Variants in DYRK2 observed in about 807,000 individuals in gnomAD.
DYRK2 encodes the protein dual specificity tyrosine phosphorylation regulated kinase 2, also known as dual specificity tyrosine-phosphorylation-regulated kinase 2.
In DYRK2, 12 loss-of-function variants were observed where a neutral mutation model predicts 41.6. The ratio of observed to expected loss-of-function variants is 0.29; its 90% CI spans 0.18 to 0.47. DYRK2 has a LOEUF of 0.47. DYRK2 is among the 20% of genes least tolerant of loss of function. The pLI is 1.00. For synonymous variants in DYRK2, 322 were observed against 315.7 expected, an observed-to-expected ratio of 1.02 and a Z score of -0.21; for missense variants, 678 against 798.4, an observed-to-expected ratio of 0.85 and a Z score of 1.82.
rs781089384 is a variant in DYRK2 at position 67,658,689 on chromosome 12, A to G, written c.1782A>G (p.Thr594=). The G allele has an allele frequency of 2.5e-6, 4 of 1,609,050 alleles. No homozygotes were observed. Among genetic ancestry groups the G allele is most frequent in the African/African-American group, 2.7e-5 (2 of 74,748 alleles). ...CCAATGGGAATATTCAGCAGAGGAC[A>G]GTGTTGCCAAAACTTGTTAGCTGAG... ...TDANGNIQQR[T]VLPKLVS is the part of the protein sequence containing the mutation. Residue 594 remains threonine, a synonymous_variant, in exon 3 of 3, where the codon ACA becomes ACG. Transcript: ENST00000344096. This position sits in a 1 kb window ranked among gnomAD's most constrained non-coding sequence, Gnocchi z 4.3.
chr12:67,649,297 C>A (rs1278410881), intron 1 of DYRK2, 115 bp downstream of exon 1: 2 of 855,090 alleles, frequency 2.3e-6, no homozygotes, highest in Non-Finnish European at 3.0e-6. Flanking sequence ...CGGCGCGGCG[C>A]GGGGGAGCCC....
Position 67,658,528 on chromosome 12 carries a change from A to G in DYRK2, c.1621A>G (p.Lys541Glu). ...CCCCTGGCTGAGGAGGCGGTTGCCAAAGCCTCCCACCGGGGAGAAAACGTC... is the reference window on the plus strand; with the variant it reads ...CCCCTGGCTGAGGAGGCGGTTGCCAGAGCCTCCCACCGGGGAGAAAACGTC... ...RHPWLRRRLP[K>E]PPTGEKTSVK... The change falls in exon 3 of 3, where the codon AAG (lysine) becomes GAG (glutamate). Residue 541 changes from lysine to glutamate, a missense_variant. Lys to Glu is a moderately conservative substitution (Grantham distance 56). Transcript: ENST00000344096. This position sits in a 1 kb window ranked among gnomAD's most constrained non-coding sequence, Gnocchi z 4.3. 1 of 1,613,634 alleles carries G rather than the reference A, an allele frequency of 6.2e-7. No individual in the cohort carries two copies. Among genetic ancestry groups the G allele is most frequent in the Non-Finnish European group, 8.5e-7 (1 of 1,179,720 alleles).
rs1158417343 is a variant in DYRK2 at position 67,659,950 on chromosome 12, C to CT, written c.*1238dup. On this transcript the variant is annotated 3_prime_UTR_variant, in exon 3 of 3. Transcript: ENST00000344096. ...GAAGAACCCCAGAGATAGCATTCCT[C>CT]TATTTTATTTTACTTTCTTTTGGAT... The CT allele has an allele frequency of 3.6e-5, 6 of 167,040 alleles. No homozygotes were observed. The Admixed American group carries it at 3.9e-4, about 11-fold the overall frequency. 10.3% of individuals were successfully genotyped at this position (167,040 alleles called of 1,614,324 possible).
At position 67,657,106 on chromosome 12, in the gene DYRK2, A is replaced by G. The variant is rs1458313013; in HGVS notation, c.199A>G (p.Ile67Val). Residue 67 changes from isoleucine (I) to valine (V), a missense_variant and splice_region_variant, in exon 3 of 3, where the codon ATT (isoleucine) becomes GTT (valine). By Grantham distance (29) the Ile-to-Val change is conservative (BLOSUM62 3). Transcript: ENST00000344096. The surrounding 1 kb of genome is among the most constrained non-coding windows in gnomAD (Gnocchi z 4.8). ...TTTATATTTCCTGTCTGAATTCCAGATTGGCGGCAGTAAGCACACAATGAA... is the reference window on the plus strand; with the variant it reads ...TTTATATTTCCTGTCTGAATTCCAGGTTGGCGGCAGTAAGCACACAATGAA... ...ASNAAAAAHT[I>V]GGSKHTMNDH... 16 of 1,542,380 alleles carry G rather than the reference A, an allele frequency of 1.0e-5. No individual in the cohort carries two copies. The highest frequency in any genetic ancestry group is 1.3e-5 in the Non-Finnish European group (15 of 1,144,294).
At position 67,658,300 on chromosome 12, in the gene DYRK2, T is replaced by A. The variant is rs1269480999; in HGVS notation, c.1393T>A (p.Cys465Ser). The change falls in exon 3 of 3, where the codon TGC becomes AGC. Residue 465 changes from cysteine (C) to serine (S), a missense_variant. Physicochemically the swap from Cys to Ser is moderately radical, Grantham distance 112 (BLOSUM62 -1). Transcript: ENST00000344096. This position sits in a 1 kb window ranked among gnomAD's most constrained non-coding sequence, Gnocchi z 4.3. ...FVSSKGYPRYCTVTTLSDGSV... is the reference protein window; with the variant it reads ...FVSSKGYPRYSTVTTLSDGSV... Reference sequence around the variant, plus strand: ...GAGCTCCAAGGGTTATCCCCGTTACTGCACTGTCACGACTCTCTCAGATGG... The same window carrying A: ...GAGCTCCAAGGGTTATCCCCGTTACAGCACTGTCACGACTCTCTCAGATGG... The A allele has an allele frequency of 1.9e-6, 3 of 1,614,224 alleles. No individual in the cohort carries two copies. The highest frequency in any genetic ancestry group is 2.5e-6 in the Non-Finnish European group (3 of 1,180,040).
In DYRK2 at chr12:67,662,057, T is replaced by C. The variant is rs1358112477; in HGVS notation, c.*3344T>C. On this transcript the variant is annotated 3_prime_UTR_variant, in exon 3 of 3. Coordinates refer to ENST00000344096, the MANE Select transcript of DYRK2 (RefSeq NM_006482.3). ...TCCATCAGAATGTTAGAAAACACTT[T>C]AGGCATCAGTAGCATTGGGCCATAT... 1.8e-5 allele frequency: 3 copies of C among 166,424 alleles called. No individual in the cohort carries two copies. Among genetic ancestry groups the C allele is most frequent in the Non-Finnish European group, 2.9e-5 (2 of 68,084 alleles). The allele number at this position is 166,424 out of a possible 1,614,324, so 10.3% of individuals were successfully genotyped here. A position where few individuals can be genotyped will look rare whatever the true frequency, so the allele number is the denominator to read the frequency against.
chr12:67,650,775 G>A (rs1269154727), intron 2 of DYRK2, among the ~76,000 whole-genome samples: 1 of 152,198 alleles, frequency 6.6e-6, no homozygotes, highest in African/African-American at 2.4e-5. Context: ...CAGCCTGGAG[G>A]AGGTCTGCAC....
rs1202961168 is a variant in DYRK2, at chr12:67,657,044, C to CT, written c.199-60dup. ...GGGGCGGTGGTGTTGTTGGGGGTTA[C>CT]TTATACACCATTTGAACAGACACCA... is the stretch of plus-strand genomic sequence containing the variant. On this transcript the variant is annotated intron_variant, in intron 2 of 2. Coordinates refer to ENST00000344096, the MANE Select transcript of DYRK2 (RefSeq NM_006482.3). This position sits in a 1 kb window ranked among gnomAD's most constrained non-coding sequence, Gnocchi z 4.8. The CT allele has an allele frequency of 6.7e-7, 1 of 1,497,774 alleles. No individual in the cohort carries two copies. The allele number at this position is 1,497,774 out of a possible 1,614,324, so 92.8% of individuals were successfully genotyped here. A position where few individuals can be genotyped will look rare whatever the true frequency, so the allele number is the denominator to read the frequency against.
chr12:67,653,835 C>T (rs1208977697), intron 2 of DYRK2, among the ~76,000 whole-genome samples: 9 of 152,132 alleles, frequency 5.9e-5, no homozygotes. Context: ...GGGGACCCAG[C>T]CCTGGAATTG....
intron 2 of DYRK2, chr12:67,652,689 C>G (rs1872354629): frequency 6.6e-6 from 1 of 152,178 alleles, no homozygotes; most frequent in African/African-American, 2.4e-5. Flanking sequence ...TGAAAACTAC[C>G]AAACTGGTTA....
In DYRK2 at chr12:67,663,740, GTTCCTACTCATTCTCT is replaced by G. The variant is rs1223320887; in HGVS notation, c.*5033_*5048del. On this transcript the variant is annotated 3_prime_UTR_variant, in exon 3 of 3. Transcript: ENST00000344096. ...TGACTGACTGACTCAGGAGATTATA[GTTCCTACTCATTCTCT>G]TTCCTTTTATCAGATCTTTCAAAAG... The G allele has an allele frequency of 4.6e-5, 7 of 152,274 alleles. No homozygotes were observed. Among genetic ancestry groups the G allele is most frequent in the African/African-American group, 1.7e-4 (7 of 41,564 alleles). The allele number at this position is 152,274 out of a possible 1,614,324, so 9.4% of individuals were successfully genotyped here. A position where few individuals can be genotyped will look rare whatever the true frequency, so the allele number is the denominator to read the frequency against.
Position 67,657,119 on chromosome 12 carries a change from A to G in DYRK2, c.212A>G (p.Lys71Arg), listed in dbSNP as rs1217984793. 1 of 1,554,800 alleles carries G rather than the reference A, an allele frequency of 6.4e-7. No homozygotes were observed. Among genetic ancestry groups the G allele is most frequent in the South Asian group, 1.2e-5 (1 of 81,236 alleles). Residue 71 changes from lysine (K) to arginine (R), a missense_variant, in exon 3 of 3, where the codon AAG (lysine) becomes AGG (arginine). This residue lies in a region of DYRK2 where 285 missense variants were observed against 279.2 expected (regional missense o/e 1.02). Transcript: ENST00000344096. The surrounding 1 kb of genome is among the most constrained non-coding windows in gnomAD (Gnocchi z 4.8). ...AAAAHTIGGS[K>R]HTMNDHLHVG... ...TCTGAATTCCAGATTGGCGGCAGTAAGCACACAATGAATGATCACCTGCAT... is the reference window on the plus strand; with the variant it reads ...TCTGAATTCCAGATTGGCGGCAGTAGGCACACAATGAATGATCACCTGCAT...
rs3741645 is a variant in DYRK2 at position 67,659,037 on chromosome 12, T to G, written c.*324T>G. The G allele has an allele frequency of 1.2e-4, 27 of 218,658 alleles. No individual in the cohort carries two copies. In the East Asian group the frequency reaches 3.0e-3, roughly 24 times the overall value. The allele number at this position is 218,658 out of a possible 1,614,324, so 13.5% of individuals were successfully genotyped here. A position where few individuals can be genotyped will look rare whatever the true frequency, so the allele number is the denominator to read the frequency against. ...ACTGCCACGCATTTACAGATTGGTGTCAAAGACATTCACTATGTTTTTATG... is the reference window on the plus strand; with the variant it reads ...ACTGCCACGCATTTACAGATTGGTGGCAAAGACATTCACTATGTTTTTATG... On this transcript the variant is annotated 3_prime_UTR_variant, in exon 3 of 3. Transcript: ENST00000344096.
chr12:67,661,947 A>T lies in DYRK2; in HGVS notation c.*3234A>T, dbSNP rs1326125029. The T allele has an allele frequency of 6.0e-6, 1 of 166,694 alleles. No homozygotes were observed. The highest frequency in any genetic ancestry group is 1.9e-4 in the East Asian group (1 of 5,208). 10.3% of individuals were successfully genotyped at this position (166,694 alleles called of 1,614,324 possible). A position where few individuals can be genotyped will look rare whatever the true frequency, so the allele number is the denominator to read the frequency against. On this transcript the variant is annotated 3_prime_UTR_variant, in exon 3 of 3. Transcript: ENST00000344096. Reference sequence around the variant, plus strand: ...TTATATGTGCCTGGCTCTAGTAAGGATGGCCAGGGATTTTTACAATTTGGG... The same window carrying T: ...TTATATGTGCCTGGCTCTAGTAAGGTTGGCCAGGGATTTTTACAATTTGGG...
In DYRK2 at chr12:67,648,902, G is replaced by A. The variant is rs1255784177; in HGVS notation, c.-232G>A. ...GCCGGAGGGTGCTGCAGCCGCCCGAGGAAGAGGAGGACGGCGGCGAGGAGG... is the reference window on the plus strand; with the variant it reads ...GCCGGAGGGTGCTGCAGCCGCCCGAAGAAGAGGAGGACGGCGGCGAGGAGG... On this transcript the variant is annotated 5_prime_UTR_variant, in exon 1 of 3. Transcript: ENST00000344096. 8.6e-6 allele frequency: 3 copies of A among 350,642 alleles called. No homozygotes were observed. The highest frequency in any genetic ancestry group is 1.5e-5 in the Non-Finnish European group (3 of 196,630). 21.7% of individuals were successfully genotyped at this position (350,642 alleles called of 1,614,324 possible).
chr12:67,649,584 G>A (rs1024656806), intron 1 of DYRK2: 2 of 534,850 alleles, frequency 3.7e-6, no homozygotes, highest in Non-Finnish European at 5.6e-6. Flanking sequence ...GAACTCGCGC[G>A]CCAGGGCCCC....
chr12:67,650,410 C>T (rs922767595), intron 2 of DYRK2, among the ~76,000 whole-genome samples: 1 of 152,246 alleles, frequency 6.6e-6, no homozygotes, highest in Admixed American at 6.5e-5. Context: ...AGGCCTGGCT[C>T]CAGCCAGCAG....
At position 67,657,125 on chromosome 12, in the gene DYRK2, C is replaced by G; in HGVS notation, c.218C>G (p.Thr73Arg). The G allele has an allele frequency of 6.4e-7, 1 of 1,570,414 alleles. No individual in the cohort carries two copies. The stretch of plus-strand genomic sequence containing the variant: ...TTCCAGATTGGCGGCAGTAAGCACA[C>G]AATGAATGATCACCTGCATGTCGGC... ...AAHTIGGSKH[T>R]MNDHLHVGSH... The change falls in exon 3 of 3, where the codon ACA becomes AGA. Residue 73 changes from threonine (T) to arginine (R), a missense_variant. By Grantham distance (71) the Thr-to-Arg change is moderately conservative. Around this residue, in one of 2 missense-constraint regions of DYRK2, gnomAD observed 285 missense variants for 279.2 expected, o/e 1.02. Transcript: ENST00000344096. This position sits in a 1 kb window ranked among gnomAD's most constrained non-coding sequence, Gnocchi z 4.8.
rs1457071714 is a variant in DYRK2, at chr12:67,652,244, T to G, written c.198+2299T>G. Among the ~76,000 whole-genome samples, 6 of 152,122 alleles carry G rather than the reference T, an allele frequency of 3.9e-5. No individual in the cohort carries two copies. The East Asian group carries it at 1.2e-3, about 29-fold the overall frequency. On this transcript the variant is annotated intron_variant, in intron 2 of 2. Coordinates refer to ENST00000344096, the MANE Select transcript of DYRK2 (RefSeq NM_006482.3). ...TGTTTTACACTTTAGTTATTTCTGT[T>G]TGTGTGAGAGAGAGAAGTGTGCCCA...
Sources: gnomAD v4.1 joint callset for allele counts (sites outside exome capture counted in the v4.1 genomes callset) on GRCh38, gnomAD v4.1.1 for gene constraint, gnomAD v4.1.1 regional missense constraint, Gnocchi (gnomAD v3.1) non-coding constraint, MANE v1.5 for transcripts, NCBI Gene and HGNC (gene_info 2026-07-23, HGNC 2026-07-21) for gene names.